Variants in NEK7 observed in about 807,000 individuals in gnomAD.
NEK7 encodes the protein serine/threonine-protein kinase Nek7.
In NEK7, 18 loss-of-function variants were observed where a neutral mutation model predicts 44.6. The ratio of observed to expected loss-of-function variants is 0.40; its 90% CI spans 0.28 to 0.60. The LOEUF is 0.60. Ranked by LOEUF, NEK7 falls within the 20% of genes least tolerant of loss-of-function variation. NEK7 has a pLI of 0.38. For synonymous variants in NEK7, 130 were observed against 121.1 expected, an observed-to-expected ratio of 1.07 and a Z score of -0.48; for missense variants, 256 against 366.5, an observed-to-expected ratio of 0.70 and a Z score of 2.46.
At chr1:198,316,642 TTC>T (rs1276990650) in intron 9 of NEK7, among the ~76,000 whole-genome samples, 1 of 152,268 alleles carries the variant, frequency 6.6e-6, no homozygotes, top group African/African-American at 2.4e-5. Context: ...TCACATTTGT[TTC>T]TTTGTTCTGT....
At chr1:198,258,099 A>T (rs1029138201) in intron 3 of NEK7, among the ~76,000 whole-genome samples, 3 of 152,200 alleles carry the variant, frequency 2.0e-5, no homozygotes, top group Non-Finnish European at 2.9e-5. Context: ...ATTTAAGCGT[A>T]GGTGGAGGAT....
intron 2 of NEK7, among the ~76,000 whole-genome samples, chr1:198,234,939 A>G (rs1184429435): frequency 6.6e-6 from 1 of 152,172 alleles, no homozygotes; most frequent in Non-Finnish European, 1.5e-5. Flanking sequence ...TAAGTCTTTG[A>G]AAAACGTTAC....
chr1:198,319,341 T>C (rs1655469850), intron 9 of NEK7, 71 bp from the exon 10 acceptor site: 3 of 934,870 alleles, frequency 3.2e-6, no homozygotes, highest in Non-Finnish European at 5.0e-6. Context: ...CTATTCATAA[T>C]TTCTTCCTCT....
chr1:198,167,661 G>GT (rs1326894881), intron 1 of NEK7, among the ~76,000 whole-genome samples: 4 of 152,076 alleles, frequency 2.6e-5, no homozygotes, highest in South Asian at 2.1e-4. Context: ...CTCCTGAGGT[G>GT]TTTTTTTGCA....
chr1:198,303,635 A>G (rs547511254), intron 9 of NEK7, among the ~76,000 whole-genome samples: 1 of 152,226 alleles, frequency 6.6e-6, no homozygotes, highest in South Asian at 2.1e-4. Flanking sequence ...TAATAGATCT[A>G]TATAAGTTTT....
chr1:198,247,992 G>A (rs1021085451), intron 2 of NEK7, among the ~76,000 whole-genome samples: 2 of 152,074 alleles, frequency 1.3e-5, no homozygotes, highest in African/African-American at 4.8e-5. Flanking sequence ...TGCATTAATA[G>A]GTCTTTAATA....
intron 2 of NEK7, among the ~76,000 whole-genome samples, chr1:198,233,507 T>C (rs1353807041): frequency 6.6e-6 from 1 of 152,174 alleles, no homozygotes; most frequent in Non-Finnish European, 1.5e-5. Context: ...TCATGTATAC[T>C]CTGCTAACCT....
chr1:198,274,170 T>TTTTTTTTTTTTTG, intron 5 of NEK7, among the ~76,000 whole-genome samples: 1 of 148,786 alleles, frequency 6.7e-6, no homozygotes, highest in Admixed American at 6.8e-5. Context: ...CTAGTTCTCT[T>TTTTTTTTTTTTTG]ATGACTTCAT....
chr1:198,205,377 T>G (rs1665563530), intron 1 of NEK7, among the ~76,000 whole-genome samples: 1 of 152,152 alleles, frequency 6.6e-6, no homozygotes, highest in Non-Finnish European at 1.5e-5. Flanking sequence ...CTGTACCGTT[T>G]TATTTATTTC....
At chr1:198,217,766 G>T (rs978197528) in intron 1 of NEK7, among the ~76,000 whole-genome samples, 12 of 148,166 alleles carry the variant, frequency 8.1e-5, no homozygotes, top group Non-Finnish European at 1.5e-4. Flanking sequence ...ACAGAAATCA[G>T]TAACACTGCT....
chr1:198,188,981 G>A (rs1479675303), intron 1 of NEK7, among the ~76,000 whole-genome samples: 1 of 152,090 alleles, frequency 6.6e-6, no homozygotes, highest in Non-Finnish European at 1.5e-5. Context: ...TAAATCAAGT[G>A]CGCTTGAATG....
At chr1:198,217,272 G>A (rs890850607) in intron 1 of NEK7, among the ~76,000 whole-genome samples, 3 of 151,726 alleles carry the variant, frequency 2.0e-5, no homozygotes, top group Non-Finnish European at 4.4e-5. Flanking sequence ...CAAGTGGGTT[G>A]CAGGGATGGT....
At chr1:198,158,461 A>G (rs1663985436) in intron 1 of NEK7, among the ~76,000 whole-genome samples, 1 of 152,208 alleles carries the variant, frequency 6.6e-6, no homozygotes, top group African/African-American at 2.4e-5. Context: ...CGACAGCAGT[A>G]TGTCTTGTCA....
intron 1 of NEK7, among the ~76,000 whole-genome samples, chr1:198,202,699 A>T (rs1558053924): frequency 6.6e-6 from 1 of 152,236 alleles, no homozygotes; most frequent in Non-Finnish European, 1.5e-5. Flanking sequence ...GAGCCAAGCG[A>T]AAAGGGAAAC....
intron 1 of NEK7, among the ~76,000 whole-genome samples, chr1:198,185,477 A>T (rs1357672770): frequency 6.6e-6 from 1 of 152,112 alleles, no homozygotes; most frequent in African/African-American, 2.4e-5. Flanking sequence ...GTAGAGCTTT[A>T]TTGGTAGATC....
At chr1:198,230,424 G>GA (rs1335013843) in intron 1 of NEK7, among the ~76,000 whole-genome samples, 3 of 151,452 alleles carry the variant, frequency 2.0e-5, no homozygotes, top group Non-Finnish European at 4.4e-5. Flanking sequence ...GATTAAAAAA[G>GA]AAAAAACATG....
At chr1:198,184,409 T>G (rs1664855391) in intron 1 of NEK7, among the ~76,000 whole-genome samples, 1 of 152,224 alleles carries the variant, frequency 6.6e-6, no homozygotes, top group East Asian at 1.9e-4. Flanking sequence ...AGACAAATTT[T>G]ACATGGCTAT....
At chr1:198,267,293 A>ATTCG (rs1653684522) in intron 5 of NEK7, among the ~76,000 whole-genome samples, 3 of 152,056 alleles carry the variant, frequency 2.0e-5, no homozygotes, top group African/African-American at 7.2e-5. Flanking sequence ...TCATTCATTC[A>ATTCG]TTCATTCATT....
At chr1:198,274,980 A>G (rs973578649) in intron 5 of NEK7, among the ~76,000 whole-genome samples, 2 of 151,776 alleles carry the variant, frequency 1.3e-5, no homozygotes, top group East Asian at 1.9e-4. Context: ...AATTTCACCT[A>G]AGTGAAATGA....
Sources: gnomAD v4.1 joint callset for allele counts (sites outside exome capture counted in the v4.1 genomes callset) on GRCh38, gnomAD v4.1.1 for gene constraint, MANE v1.5 for transcripts, NCBI Gene and HGNC (gene_info 2026-07-23, HGNC 2026-07-21) for gene names.